The following SLC35F1 variants were observed in gnomAD, a reference collection of about 807,000 sequenced individuals.
SLC35F1 encodes chromosome 6 open reading frame 169.
Under a neutral mutation model 48.7 loss-of-function variants are expected in SLC35F1, and 14 were observed. The ratio of observed to expected loss-of-function variants is 0.29; its 90% CI spans 0.19 to 0.45. SLC35F1 has a LOEUF of 0.45. SLC35F1 is among the 20% of genes least tolerant of loss of function. The pLI, the probability that SLC35F1 is intolerant of heterozygous loss-of-function variation, is 1.00. For missense variants in SLC35F1, 404 were observed against 500.0 expected (o/e 0.81, Z 1.83); for synonymous variants, 190 against 202.2 (o/e 0.94, Z 0.51).
intron 7 of SLC35F1, among the ~76,000 whole-genome samples, chr6:118,286,814 T>TGTGC (rs1326580701): frequency 1.3e-5 from 2 of 151,748 alleles, no homozygotes; most frequent in African/African-American, 4.8e-5. Flanking sequence ...TTTGTGTGTG[T>TGTGC]GTGTGGTGAG....
chr6:117,929,553 G>A (rs1003968582), intron 1 of SLC35F1, among the ~76,000 whole-genome samples: 1 of 151,494 alleles, frequency 6.6e-6, no homozygotes, highest in Non-Finnish European at 1.5e-5. Flanking sequence ...GTAACTGTAG[G>A]GGATGGCAAG....
chr6:118,195,045 T>C (rs1029356805), intron 2 of SLC35F1, among the ~76,000 whole-genome samples: 2 of 152,152 alleles, frequency 1.3e-5, no homozygotes, highest in Non-Finnish European at 1.5e-5. Flanking sequence ...CATTAGCCAC[T>C]CTGCTTAGCA....
intron 7 of SLC35F1, among the ~76,000 whole-genome samples, chr6:118,303,871 A>G (rs1776282155): frequency 6.6e-6 from 1 of 152,214 alleles, no homozygotes; most frequent in Non-Finnish European, 1.5e-5. Context: ...CCCTGTCTCC[A>G]AGTACAACCA....
chr6:118,233,992 C>T (rs1390802596), intron 2 of SLC35F1, among the ~76,000 whole-genome samples: 1 of 152,204 alleles, frequency 6.6e-6, no homozygotes, highest in Non-Finnish European at 1.5e-5. Flanking sequence ...TAACTGAAAG[C>T]TTTGTGCTCA....
At chr6:118,000,647 G>A (rs1420273817) in intron 1 of SLC35F1, among the ~76,000 whole-genome samples, 1 of 152,190 alleles carries the variant, frequency 6.6e-6, no homozygotes, top group Non-Finnish European at 1.5e-5. Context: ...TAGGAAAAGA[G>A]GAAGTCAAAT....
chr6:118,233,114 C>G (rs2114580133), intron 2 of SLC35F1, among the ~76,000 whole-genome samples: 1 of 152,248 alleles, frequency 6.6e-6, no homozygotes, highest in East Asian at 1.9e-4. Flanking sequence ...TATAGGTGTG[C>G]ACCACCACAC....
chr6:117,956,732 G>A (rs564492814), intron 1 of SLC35F1, among the ~76,000 whole-genome samples: 67 of 152,236 alleles, frequency 4.4e-4, no homozygotes, highest in Non-Finnish European at 7.5e-4. Context: ...TTCAGGACTC[G>A]CCAAATGTCA....
chr6:118,151,254 A>G (rs768895370), intron 1 of SLC35F1, among the ~76,000 whole-genome samples: 26 of 150,766 alleles, frequency 1.7e-4, no homozygotes, highest in Non-Finnish European at 3.4e-4. Context: ...TTTCTCTCCT[A>G]CTCTCCCTTT....
intron 4 of SLC35F1, among the ~76,000 whole-genome samples, chr6:118,272,898 C>G (rs969163857): frequency 6.7e-6 from 1 of 150,218 alleles, no homozygotes; most frequent in Admixed American, 6.6e-5. Flanking sequence ...AGTACCTACA[C>G]TTTTTATTAT....
chr6:117,991,114 A>T (rs1359616257), intron 1 of SLC35F1, among the ~76,000 whole-genome samples: 1 of 152,232 alleles, frequency 6.6e-6, no homozygotes, highest in Non-Finnish European at 1.5e-5. Flanking sequence ...CCAGATCAAG[A>T]TATTCAAGGT....
At chr6:118,103,679 G>A (rs1582667840) in intron 1 of SLC35F1, among the ~76,000 whole-genome samples, 1 of 152,208 alleles carries the variant, frequency 6.6e-6, no homozygotes, top group African/African-American at 2.4e-5. Context: ...TGAGTGGCTT[G>A]ACTCTCCACC....
At chr6:118,146,497 T>C (rs1773974923) in intron 1 of SLC35F1, among the ~76,000 whole-genome samples, 1 of 152,152 alleles carries the variant, frequency 6.6e-6, no homozygotes, top group Non-Finnish European at 1.5e-5. Context: ...TCAAATTATG[T>C]CTCTCTCATT....
chr6:118,052,077 C>T (rs1297762500), intron 1 of SLC35F1, among the ~76,000 whole-genome samples: 2 of 152,074 alleles, frequency 1.3e-5, no homozygotes, highest in Non-Finnish European at 2.9e-5. Flanking sequence ...GTGGTAAATG[C>T]TGGCTCTTCT....
At chr6:118,087,025 C>T (rs767554059) in intron 1 of SLC35F1, among the ~76,000 whole-genome samples, 6 of 152,164 alleles carry the variant, frequency 3.9e-5, no homozygotes, top group African/African-American at 9.7e-5. Flanking sequence ...CCCAGTCCCC[C>T]GGGACCCTAA....
chr6:118,169,006 T>C (rs1315273738), intron 2 of SLC35F1, among the ~76,000 whole-genome samples: 1 of 152,160 alleles, frequency 6.6e-6, no homozygotes, highest in Non-Finnish European at 1.5e-5. Context: ...TTTAACCAAC[T>C]AGCTCATCTC....
chr6:117,908,394 A>T (rs1775722441), intron 1 of SLC35F1, among the ~76,000 whole-genome samples: 1 of 152,210 alleles, frequency 6.6e-6, no homozygotes, highest in Non-Finnish European at 1.5e-5. Context: ...ATGGGGTCGC[A>T]GCGACAGCCT....
At chr6:117,983,874 C>T (rs1165755623) in intron 1 of SLC35F1, among the ~76,000 whole-genome samples, 1 of 152,120 alleles carries the variant, frequency 6.6e-6, no homozygotes, top group Admixed American at 6.5e-5. Flanking sequence ...TGAATCTAAA[C>T]TCGTGTGTCT....
rs1055021198 is a variant in SLC35F1 at position 117,984,385 on chromosome 6, G to A, written c.173+76486G>A. Among the ~76,000 whole-genome samples the A allele has an allele frequency of 1.8e-4, 28 of 151,878 alleles. 1 individual carries two copies. Among genetic ancestry groups the A allele is most frequent in the Admixed American group, 1.2e-3 (19 of 15,248 alleles). ...GTGGTGGCGGGTGCCTGTAGTCTCA[G>A]CTACTCAGGAGGCTGAGGCAGGAGA... On this transcript the variant is annotated intron_variant, in intron 1 of 7. Coordinates refer to ENST00000360388, the MANE Select transcript of SLC35F1 (RefSeq NM_001029858.4).
chr6:117,992,375 C>T (rs1216942189), intron 1 of SLC35F1, among the ~76,000 whole-genome samples: 2 of 152,164 alleles, frequency 1.3e-5, no homozygotes, highest in Non-Finnish European at 2.9e-5. Flanking sequence ...TCTAAAATAT[C>T]CTATACATTG....
Sources: gnomAD v4.1 joint callset for allele counts (sites outside exome capture counted in the v4.1 genomes callset) on GRCh38, gnomAD v4.1.1 for gene constraint, MANE v1.5 for transcripts, NCBI Gene and HGNC (gene_info 2026-07-23, HGNC 2026-07-21) for gene names.